Variants in BNC2 observed in about 807,000 individuals in gnomAD.
BNC2 encodes zinc finger protein basonuclin-2.
BNC2 carries 20 observed loss-of-function variants against 76.3 expected under a neutral mutation model. The observed-to-expected ratio is 0.26, with a 90% CI of 0.18 to 0.38. BNC2 has a LOEUF of 0.38. Ranked by LOEUF, BNC2 falls within the 10% of genes least tolerant of loss-of-function variation. BNC2 has a pLI of 1.00. For missense variants in BNC2, 1,382 were observed against 1,399.8 expected (o/e 0.99, Z 0.20); for synonymous variants, 582 against 514.8 (o/e 1.13, Z -1.77).
chr9:16,742,234 T>C (rs867279244), intron 1 of BNC2, among the ~76,000 whole-genome samples: 20 of 152,368 alleles, frequency 1.3e-4, no homozygotes, highest in Middle Eastern at 6.8e-3. Flanking sequence ...CTTTATGCTA[T>C]GTCACCTATG....
intron 5 of BNC2, among the ~76,000 whole-genome samples, chr9:16,460,454 C>A (rs573340986): frequency 6.6e-6 from 1 of 152,218 alleles, no homozygotes; most frequent in East Asian, 1.9e-4. Flanking sequence ...GAAACCCCGT[C>A]TCTACTAAAA....
At position 16,434,582 on chromosome 9, in the gene BNC2, C is replaced by T. The variant is rs116129743; in HGVS notation, c.2639+973G>A. Among the ~76,000 whole-genome samples, 1,167 of 152,296 alleles carry T rather than the reference C, an allele frequency of 7.7e-3. 17 individuals carry two copies. The highest frequency in any genetic ancestry group is 0.027 in the African/African-American group (1,102 of 41,566). On this transcript the variant is annotated intron_variant, in intron 6 of 6. Coordinates refer to ENST00000380672, the MANE Select transcript of BNC2 (RefSeq NM_017637.6). Reference sequence around the variant, plus strand: ...GGTGGTGTATTATGTACGTGATCTGCTCACAAGCTTATCTGAACAAATGCA... The same window carrying T: ...GGTGGTGTATTATGTACGTGATCTGTTCACAAGCTTATCTGAACAAATGCA...
chr9:16,670,107 T>C (rs1054495133), intron 3 of BNC2, among the ~76,000 whole-genome samples: 2 of 152,170 alleles, frequency 1.3e-5, no homozygotes, highest in Non-Finnish European at 2.9e-5. Context: ...TATTTTTAGT[T>C]TTTCCTTACA....
chr9:16,529,448 G>A (rs75417965), intron 5 of BNC2, among the ~76,000 whole-genome samples: 2,105 of 152,144 alleles, frequency 0.014, 51 homozygotes, highest in African/African-American at 0.049. Flanking sequence ...TTTCATTTTT[G>A]CATTATACAT....
chr9:16,769,258 C>T (rs771374998), intron 1 of BNC2, among the ~76,000 whole-genome samples: 2 of 152,172 alleles, frequency 1.3e-5, no homozygotes, highest in African/African-American at 4.8e-5. Flanking sequence ...GCTTCATGAG[C>T]AGGGACCACG....
chr9:16,608,875 T>TA (rs1227082798), intron 3 of BNC2, among the ~76,000 whole-genome samples: 1 of 152,178 alleles, frequency 6.6e-6, no homozygotes, highest in Non-Finnish European at 1.5e-5. Context: ...CATGCATAAG[T>TA]TTCAATATGC....
intron 6 of BNC2, among the ~76,000 whole-genome samples, chr9:16,427,892 C>T (rs1209996073): frequency 1.3e-5 from 2 of 152,156 alleles, no homozygotes; most frequent in African/African-American, 4.8e-5. Flanking sequence ...AGAAAGTCCT[C>T]GTGAACACCC....
At chr9:16,453,677 T>C (rs1821388552) in intron 5 of BNC2, among the ~76,000 whole-genome samples, 1 of 152,106 alleles carries the variant, frequency 6.6e-6, no homozygotes, top group Non-Finnish European at 1.5e-5. Flanking sequence ...CCGGGCCCAG[T>C]GTCTCATGCC....
At chr9:16,462,043 C>A (rs114296013) in intron 5 of BNC2, among the ~76,000 whole-genome samples, 3,645 of 152,254 alleles carry the variant, frequency 0.024, 148 homozygotes, top group African/African-American at 0.082. Flanking sequence ...TCCAGAGCCG[C>A]CTGCCTTTCA....
At chr9:16,853,049 A>G (rs952349633) in intron 1 of BNC2, among the ~76,000 whole-genome samples, 2 of 152,216 alleles carry the variant, frequency 1.3e-5, no homozygotes, top group African/African-American at 4.8e-5. Flanking sequence ...AGAAGTGATC[A>G]ACCTGTGGAT....
In BNC2 at chr9:16,691,504, C is replaced by CTTTTTTTTTTTTT. The variant is rs71327842; in HGVS notation, c.330+36280_330+36292dup. 5.7e-4 allele frequency among the ~76,000 whole-genome samples: 65 copies of CTTTTTTTTTTTTT among 113,208 alleles called. 3 individuals are homozygous for CTTTTTTTTTTTTT. Among genetic ancestry groups the CTTTTTTTTTTTTT allele is most frequent in the African/African-American group, 2.2e-3 (63 of 28,398 alleles). The allele number at this position is 113,208 out of a possible 152,430, so 74.3% of individuals were successfully genotyped here. On this transcript the variant is annotated intron_variant, in intron 3 of 6. Coordinates refer to ENST00000380672, the MANE Select transcript of BNC2 (RefSeq NM_017637.6). ...CCAGATCCACGGATGGGTATGGGTT[C>CTTTTTTTTTTTTT]TTTTTTTTTTTTTTTTTTTTTTTGA... is the stretch of plus-strand genomic sequence containing the variant.
chr9:16,818,840 A>T (rs1818247330), intron 1 of BNC2, among the ~76,000 whole-genome samples: 1 of 150,238 alleles, frequency 6.7e-6, no homozygotes, highest in South Asian at 2.1e-4. Context: ...ATTTTTAAAA[A>T]AAATTCATTT....
intron 3 of BNC2, among the ~76,000 whole-genome samples, chr9:16,659,561 TTG>T (rs1822045964): frequency 6.6e-6 from 1 of 150,732 alleles, no homozygotes; most frequent in South Asian, 2.1e-4. Context: ...TTAGCCGAGA[TTG>T]CACCACTGCA....
At chr9:16,534,629 A>G (rs1818075399) in intron 5 of BNC2, among the ~76,000 whole-genome samples, 1 of 152,116 alleles carries the variant, frequency 6.6e-6, no homozygotes, top group Admixed American at 6.6e-5. Context: ...GTAGGTAGGT[A>G]TACTCTTTAA....
rs570435308 is a variant in BNC2 at position 16,610,851 on chromosome 9, G to C, written c.331-27766C>G. Among the ~76,000 whole-genome samples the C allele has an allele frequency of 2.0e-5, 3 of 152,266 alleles. No individual in the cohort carries two copies. The South Asian group carries it at 6.2e-4, about 32-fold the overall frequency. On this transcript the variant is annotated intron_variant, in intron 3 of 6. Coordinates refer to ENST00000380672, the MANE Select transcript of BNC2 (RefSeq NM_017637.6). ...TTCTGTTGCTCCCTGGCACTTAAAAGAGTTTTTTAATTTGTCATGATAAAG... is the reference window on the plus strand; with the variant it reads ...TTCTGTTGCTCCCTGGCACTTAAAACAGTTTTTTAATTTGTCATGATAAAG...
chr9:16,757,598 G>A (rs1825422208), intron 1 of BNC2, among the ~76,000 whole-genome samples: 1 of 151,892 alleles, frequency 6.6e-6, no homozygotes, highest in Non-Finnish European at 1.5e-5. Flanking sequence ...AAACTCCATT[G>A]TTAACAACAA....
chr9:16,555,082 C>T (rs926084842), intron 4 of BNC2, among the ~76,000 whole-genome samples: 1 of 147,978 alleles, frequency 6.8e-6, no homozygotes, highest in Non-Finnish European at 1.5e-5. Context: ...GGCAGTGGCG[C>T]GATCTCGGCT....
intron 4 of BNC2, chr9:16,575,377 C>G (rs1471665908): frequency 3.8e-5 from 37 of 985,240 alleles, no homozygotes; most frequent in Non-Finnish European, 4.5e-5. Context: ...TCTTGCCAGC[C>G]TCACTTTATG....
chr9:16,657,833 C>T (rs1025475283), intron 3 of BNC2, among the ~76,000 whole-genome samples: 1 of 152,134 alleles, frequency 6.6e-6, no homozygotes, highest in Non-Finnish European at 1.5e-5. Flanking sequence ...ATGATGTCAC[C>T]TGAAGCATAA....
Sources: gnomAD v4.1 joint callset for allele counts (sites outside exome capture counted in the v4.1 genomes callset) on GRCh38, gnomAD v4.1.1 for gene constraint, MANE v1.5 for transcripts, NCBI Gene and HGNC (gene_info 2026-07-23, HGNC 2026-07-21) for gene names.